PAH: variants seen among roughly 807,000 people sequenced by gnomAD.
The protein encoded by PAH is phenylalanine hydroxylase, also known as phenylalanine-4-hydroxylase.
A neutral mutation model predicts 62.0 loss-of-function variants in PAH; 64 were observed. The observed-to-expected ratio is 1.03, with a 90% CI of 0.84 to 1.27. The LOEUF is 1.27. PAH is among the 50% of genes most tolerant of loss of function. The pLI is 0.00. For synonymous variants in PAH, 195 were observed against 196.2 expected (o/e 0.99, Z 0.05); for missense variants, 579 against 542.8 (o/e 1.07, Z -0.66).
intron 5 of PAH, among the ~76,000 whole-genome samples, chr12:102,859,463 A>G (rs1875610063): frequency 6.6e-6 from 1 of 152,220 alleles, no homozygotes; most frequent in Non-Finnish European, 1.5e-5. Flanking sequence ...AATCCTCCCT[A>G]ACTCATTTTA....
chr12:102,856,955 C>T (rs2953059), intron 5 of PAH, among the ~76,000 whole-genome samples: 56,863 of 152,108 alleles, frequency 0.37, 11,180 homozygotes, highest in Non-Finnish European at 0.43. Context: ...CACAGCTCCT[C>T]GCCAGCAATG....
intron 6 of PAH, 108 bp downstream of exon 6, chr12:102,855,028 G>T: frequency 1.1e-6 from 1 of 896,944 alleles, no homozygotes; most frequent in Non-Finnish European, 1.9e-6. Context: ...ATTCCTACAA[G>T]CACATGCTTT....
chr12:102,941,428 G>A (rs143738203), intron 1 of PAH, among the ~76,000 whole-genome samples: 28 of 152,200 alleles, frequency 1.8e-4, no homozygotes, highest in African/African-American at 6.3e-4. Context: ...TGACATGAAT[G>A]ACATCCATAG....
intron 3 of PAH, among the ~76,000 whole-genome samples, chr12:102,882,688 T>A (rs1199238632): frequency 1.4e-5 from 2 of 145,784 alleles, no homozygotes; most frequent in Non-Finnish European, 3.0e-5. Flanking sequence ...AATTTTTTTC[T>A]ACTGTATCCT....
chr12:102,943,935 T>G lies in PAH; in HGVS notation c.-96+6654A>C, dbSNP rs1431622442. Reference sequence around the variant, plus strand: ...AAAAATTACCTATCAGATACTATGTTCCCTACATGGGTGACAAAATAATCG... The same window carrying G: ...AAAAATTACCTATCAGATACTATGTGCCCTACATGGGTGACAAAATAATCG... On this transcript the variant is annotated intron_variant, in intron 1 of 3. Transcript: ENST00000546844. 2.0e-5 allele frequency among the ~76,000 whole-genome samples: 3 copies of G among 152,124 alleles called. 1 individual carries two copies. Among genetic ancestry groups the G allele is most frequent in the Non-Finnish European group, 2.9e-5 (2 of 68,000 alleles).
Position 102,840,436 on chromosome 12 carries a change from T to C in PAH, c.1279A>G (p.Thr427Ala). Residue 427 changes from threonine to alanine, a missense_variant, in exon 12 of 13, where the codon ACC becomes GCC. By Grantham distance (58) the Thr-to-Ala change is moderately conservative (BLOSUM62 0). Coordinates refer to ENST00000553106, the MANE Select transcript of PAH (RefSeq NM_000277.3). ...TCAGCCAAAATCTTAAGCTGCTGGG[T>C]ATTGTCCAAGACCTCAATCCTTTGG... ...YTQRIEVLDN[T>A]QQLKILADSI... The C allele has an allele frequency of 1.2e-6, 2 of 1,613,892 alleles. No individual in the cohort carries two copies. Among genetic ancestry groups the C allele is most frequent in the Non-Finnish European group, 8.5e-7 (1 of 1,179,798 alleles).
intron 5 of PAH, among the ~76,000 whole-genome samples, chr12:102,862,324 A>C (rs1185187746): frequency 6.6e-6 from 1 of 152,192 alleles, no homozygotes; most frequent in African/African-American, 2.4e-5. Flanking sequence ...ACATGTTCTC[A>C]CTTGTAAGTG....
chr12:102,844,396 T>A lies in PAH; in HGVS notation c.1005A>T (p.Lys335Asn). Residue 335 changes from lysine to asparagine, a missense_variant, in exon 10 of 13, where the codon AAA becomes AAT. Lys to Asn is a moderately conservative substitution (Grantham distance 94). Transcript: ENST00000553106. ...YWFTVEFGLCKQGDSIKAYGA... is the reference protein window; with the variant it reads ...YWFTVEFGLCNQGDSIKAYGA... ...CATATGCCTTTATGGAGTCTCCTTGTTTGCAGAGCCCAAACTCCACAGTAA... is the reference window on the plus strand; with the variant it reads ...CATATGCCTTTATGGAGTCTCCTTGATTGCAGAGCCCAAACTCCACAGTAA... The A allele has an allele frequency of 6.2e-7, 1 of 1,613,890 alleles. No homozygotes were observed. Among genetic ancestry groups the A allele is most frequent in the Non-Finnish European group, 8.5e-7 (1 of 1,179,850 alleles).
chr12:102,904,633 TC>T, intron 2 of PAH: 1 of 304,846 alleles, frequency 3.3e-6, no homozygotes, highest in South Asian at 3.1e-5. Context: ...GAAACACTGC[TC>T]TAAAGTATAG....
At chr12:102,888,258 A>G (rs778844147) in intron 3 of PAH, among the ~76,000 whole-genome samples, 4 of 152,086 alleles carry the variant, frequency 2.6e-5, no homozygotes, top group Non-Finnish European at 5.9e-5. Context: ...TAAAGAGGGA[A>G]AGCAACTTGG....
intron 1 of PAH, among the ~76,000 whole-genome samples, chr12:102,932,746 T>C (rs1169607431): frequency 2.0e-5 from 3 of 152,172 alleles, no homozygotes; most frequent in Non-Finnish European, 2.9e-5. Flanking sequence ...TACGGGAACT[T>C]CAAAGGCAGT....
intron 3 of PAH, among the ~76,000 whole-genome samples, chr12:102,891,858 G>T (rs956533249): frequency 3.9e-5 from 6 of 152,120 alleles, no homozygotes; most frequent in African/African-American, 1.2e-4. Context: ...CAATTGCTTT[G>T]ATTTCCTTCC....
chr12:102,840,513 T>C lies in PAH; in HGVS notation c.1202A>G (p.Asn401Ser). ...SFNDAKEKVRNFAATIPRPFS... is the reference protein window; with the variant it reads ...SFNDAKEKVRSFAATIPRPFS... ...GGGCCGAGGTATTGTGGCAGCAAAG[T>C]TCCTAAGACCAAAACCACAGGCTTG... is the stretch of plus-strand genomic sequence containing the variant. Residue 401 changes from asparagine to serine, a missense_variant and splice_region_variant, in exon 12 of 13, where the codon AAC becomes AGC. By Grantham distance (46) the Asn-to-Ser change is conservative (BLOSUM62 1). Coordinates refer to ENST00000553106, the MANE Select transcript of PAH (RefSeq NM_000277.3). 6.2e-7 allele frequency: 1 copy of C among 1,610,892 alleles called. No homozygotes were observed. The highest frequency in any genetic ancestry group is 1.7e-5 in the Admixed American group (1 of 59,986).
At chr12:102,910,372 CTTTT>C (rs766959541) in intron 2 of PAH, among the ~76,000 whole-genome samples, 22 of 141,428 alleles carry the variant, frequency 1.6e-4, no homozygotes, top group Non-Finnish European at 3.0e-4. Flanking sequence ...CTTGAAATTC[CTTTT>C]TTTTTTTTTT....
At chr12:102,870,974 C>G (rs768806431) in intron 4 of PAH, among the ~76,000 whole-genome samples, 9 of 152,188 alleles carry the variant, frequency 5.9e-5, no homozygotes, top group Non-Finnish European at 1.2e-4. Flanking sequence ...TCCTTCACAT[C>G]CAGCAATCAA....
intron 1 of PAH, chr12:102,950,312 G>A (rs967750265): frequency 6.6e-6 from 1 of 152,290 alleles, no homozygotes; most frequent in Non-Finnish European, 1.5e-5. Flanking sequence ...GGATGAAATA[G>A]TTAACTAGCT....
intron 12 of PAH, among the ~76,000 whole-genome samples, chr12:102,839,683 T>G (rs73387561): frequency 0.017 from 2,631 of 152,372 alleles, 82 homozygotes; most frequent in African/African-American, 0.06. Context: ...GCTTTTCATT[T>G]GATTCTGATG....
intron 11 of PAH, among the ~76,000 whole-genome samples, chr12:102,842,996 G>A (rs888584391): frequency 3.3e-5 from 5 of 152,168 alleles, no homozygotes; most frequent in African/African-American, 9.7e-5. Flanking sequence ...AGGGCCAACA[G>A]TCTCAGAGTC....
intron 7 of PAH, 22 bp from the exon 8 acceptor site, chr12:102,851,778 G>T: frequency 6.2e-7 from 1 of 1,604,674 alleles, no homozygotes; most frequent in South Asian, 1.1e-5. Flanking sequence ...AAAGCACAGA[G>T]AGCTCGGAGG....
Sources: allele counts gnomAD v4.1 joint callset (sites outside exome capture counted in the v4.1 genomes callset), GRCh38; gene constraint gnomAD v4.1.1; transcripts MANE v1.5; gene names NCBI Gene and HGNC (gene_info 2026-07-23, HGNC 2026-07-21).